The following GHR variants were observed in gnomAD, a reference collection of about 807,000 sequenced individuals.
GHR encodes GH receptor.
In GHR, 35 loss-of-function variants were observed where a neutral mutation model predicts 67.1. That is an observed-to-expected ratio of 0.52 (90% CI 0.40 to 0.69). The LOEUF (loss-of-function observed/expected upper bound fraction) is 0.69, where lower values mean the gene tolerates loss of function less well. Ranked by LOEUF, GHR falls within the 30% of genes least tolerant of loss-of-function variation. The pLI, the probability that GHR is intolerant of heterozygous loss-of-function variation, is 0.00. For synonymous variants in GHR, 272 were observed against 269.1 expected (o/e 1.01, Z -0.10); for missense variants, 792 against 764.6 (o/e 1.04, Z -0.42).
intron 3 of GHR, among the ~76,000 whole-genome samples, chr5:42,658,780 A>T (rs1286649578): frequency 6.6e-6 from 1 of 152,174 alleles, no homozygotes; most frequent in African/African-American, 2.4e-5. Flanking sequence ...ACAGGACAGC[A>T]TTCCACAGCA....
chr5:42,623,450 C>T (rs6887528), intron 2 of GHR, among the ~76,000 whole-genome samples: 8,069 of 152,254 alleles, frequency 0.053, 266 homozygotes, highest in Middle Eastern at 0.075. Flanking sequence ...CAACACATCC[C>T]CAGCTCCATC....
At position 42,468,930 on chromosome 5, in the gene GHR, T is replaced by A. The variant is rs2112089056; in HGVS notation, c.-12+44975T>A. 9 of 499,346 alleles carry A rather than the reference T, an allele frequency of 1.8e-5. No homozygotes were observed. In the South Asian group the frequency reaches 3.6e-4, roughly 20 times the overall value. The allele number at this position is 499,346 out of a possible 1,614,324, so 30.9% of individuals were successfully genotyped here. A position where few individuals can be genotyped will look rare whatever the true frequency, so the allele number is the denominator to read the frequency against. ...CGGGCTGCGCCGAGCCAAGAGCGCG[T>A]GCTTCAGCTCTTCCCAGAAGATCGA... On this transcript the variant is annotated intron_variant, in intron 1 of 9. Transcript: ENST00000230882.
At chr5:42,520,290 G>C (rs1456035524) in intron 1 of GHR, among the ~76,000 whole-genome samples, 1 of 152,136 alleles carries the variant, frequency 6.6e-6, no homozygotes, top group African/African-American at 2.4e-5. Flanking sequence ...ATAATAAAGA[G>C]CCAGGTGAGT....
At chr5:42,485,977 G>C (rs1170542053) in intron 1 of GHR, among the ~76,000 whole-genome samples, 16 of 152,190 alleles carry the variant, frequency 1.1e-4, no homozygotes, top group Admixed American at 1.0e-3. Flanking sequence ...ATTTAGATCA[G>C]TAGTTCTCAA....
intron 2 of GHR, among the ~76,000 whole-genome samples, chr5:42,583,878 GATAT>G (rs138386131): frequency 2.2e-5 from 3 of 138,972 alleles, no homozygotes; most frequent in East Asian, 2.3e-4. Flanking sequence ...TTTAAATAAA[GATAT>G]ATATATATAT....
intron 1 of GHR, among the ~76,000 whole-genome samples, chr5:42,474,311 A>AAGAAAGAAAGAAAG (rs1745176316): frequency 1.4e-5 from 2 of 138,866 alleles, no homozygotes; most frequent in Non-Finnish European, 3.2e-5. Context: ...GAAAGAAAGA[A>AAGAAAGAAAGAAAG]AGAAAGAAAG....
At chr5:42,537,435 A>T (rs66784890) in intron 1 of GHR, among the ~76,000 whole-genome samples, 3 of 151,920 alleles carry the variant, frequency 2.0e-5, no homozygotes, top group Admixed American at 2.0e-4. Context: ...TTCAGGAGTA[A>T]CTTATTTAGT....
chr5:42,700,195 G>A (rs1168401481), intron 6 of GHR, among the ~76,000 whole-genome samples, 193 bp downstream of exon 6: 1 of 152,156 alleles, frequency 6.6e-6, no homozygotes, highest in Non-Finnish European at 1.5e-5. Flanking sequence ...AGATGCTTAT[G>A]TATATATGGA....
chr5:42,641,620 G>T (rs796804561), intron 3 of GHR, among the ~76,000 whole-genome samples: 1 of 151,968 alleles, frequency 6.6e-6, no homozygotes, highest in African/African-American at 2.4e-5. Context: ...CCTCACTATC[G>T]CTACCCCCAA....
intron 1 of GHR, among the ~76,000 whole-genome samples, chr5:42,553,984 C>T (rs948307692): frequency 6.6e-6 from 1 of 152,088 alleles, no homozygotes; most frequent in African/African-American, 2.4e-5. Flanking sequence ...CTTTTCTCTT[C>T]TTCTGCTCAG....
At chr5:42,583,478 C>G (rs1751300523) in intron 2 of GHR, among the ~76,000 whole-genome samples, 1 of 152,150 alleles carries the variant, frequency 6.6e-6, no homozygotes, top group African/African-American at 2.4e-5. Context: ...TGACAAGCAG[C>G]AAAATATTTA....
At chr5:42,666,987 AT>A (rs1173168717) in intron 3 of GHR, among the ~76,000 whole-genome samples, 2 of 152,302 alleles carry the variant, frequency 1.3e-5, no homozygotes, top group South Asian at 4.1e-4. Context: ...TGGCTATTCT[AT>A]TGTTTGAACT....
chr5:42,456,939 T>A (rs965689449), intron 1 of GHR, among the ~76,000 whole-genome samples: 1 of 152,170 alleles, frequency 6.6e-6, no homozygotes, highest in Non-Finnish European at 1.5e-5. Flanking sequence ...GGAAGAGGAC[T>A]TAATTCATTT....
intron 1 of GHR, among the ~76,000 whole-genome samples, chr5:42,508,013 A>G (rs769416312): frequency 6.6e-6 from 1 of 152,170 alleles, no homozygotes; most frequent in Non-Finnish European, 1.5e-5. Flanking sequence ...ACTAGTCCAG[A>G]TGGGAAATGC....
chr5:42,715,710 G>A (rs1008473643), intron 8 of GHR, among the ~76,000 whole-genome samples: 8 of 152,180 alleles, frequency 5.3e-5, no homozygotes, highest in Admixed American at 1.3e-4. Flanking sequence ...TGATTTCAGA[G>A]TGAAGATTTT....
intron 4 of GHR, among the ~76,000 whole-genome samples, chr5:42,691,547 A>G (rs1757422130): frequency 6.6e-6 from 1 of 152,236 alleles, no homozygotes; most frequent in Non-Finnish European, 1.5e-5. Flanking sequence ...AACTCCTGAA[A>G]CTATAGAAAC....
chr5:42,647,356 C>T (rs1191984759), intron 3 of GHR, among the ~76,000 whole-genome samples: 1 of 151,914 alleles, frequency 6.6e-6, no homozygotes, highest in Non-Finnish European at 1.5e-5. Context: ...GGGTGGATCA[C>T]GAGATCAGGA....
At chr5:42,577,468 G>A (rs1021851476) in intron 2 of GHR, among the ~76,000 whole-genome samples, 1 of 152,086 alleles carries the variant, frequency 6.6e-6, no homozygotes, top group Non-Finnish European at 1.5e-5. Context: ...GAAACGAAAG[G>A]TATTTCTGGC....
At chr5:42,560,950 A>G (rs1019275593) in intron 1 of GHR, among the ~76,000 whole-genome samples, 6 of 152,152 alleles carry the variant, frequency 3.9e-5, no homozygotes, top group African/African-American at 1.2e-4. Flanking sequence ...CTTTTGCACA[A>G]ATCTGAGTTT....
Sources: gnomAD v4.1 joint callset for allele counts (sites outside exome capture counted in the v4.1 genomes callset) on GRCh38, gnomAD v4.1.1 for gene constraint, MANE v1.5 for transcripts, NCBI Gene and HGNC (gene_info 2026-07-23, HGNC 2026-07-21) for gene names.